STRN3: variants seen among roughly 807,000 people sequenced by gnomAD.
STRN3 encodes striatin-3.
In STRN3, 29 loss-of-function variants were observed where a neutral mutation model predicts 95.6. That is an observed-to-expected ratio of 0.30 (90% CI 0.23 to 0.41). STRN3 has a LOEUF of 0.41. Ranked by LOEUF, STRN3 falls within the 10% of genes least tolerant of loss-of-function variation. STRN3 has a pLI of 1.00. For synonymous variants in STRN3, 331 were observed against 357.6 expected (o/e 0.93, Z 0.84); for missense variants, 890 against 972.1 (o/e 0.92, Z 1.12).
Position 31,007,965 on chromosome 14 carries a change from G to A in STRN3, c.282+17939C>T, listed in dbSNP as rs181742353. On this transcript the variant is annotated intron_variant, in intron 1 of 17. Transcript: ENST00000357479. ...CCAAGCACTTTGGGAGGCTGAGGCA[G>A]GCGGATCACCTGAGGTCAGGAGTTC... is the stretch of plus-strand genomic sequence containing the variant. 4.3e-4 allele frequency among the ~76,000 whole-genome samples: 65 copies of A among 152,250 alleles called. No individual in the cohort carries two copies. The East Asian group carries it at 0.012, about 28-fold the overall frequency.
In STRN3 at chr14:30,902,586, G is replaced by T; in HGVS notation, c.2087C>A (p.Thr696Lys). 2 of 1,609,106 alleles carry T rather than the reference G, an allele frequency of 1.2e-6. No homozygotes were observed. The highest frequency in any genetic ancestry group is 1.7e-6 in the Non-Finnish European group (2 of 1,178,298). ...RVVSHPTLPV[T>K]ITAHEDRHIK... ...GTGTCTATCTTCATGAGCAGTTATT[G>T]TAACAGGAAGTGTGGGATGACTTAC... Residue 696 changes from threonine (T) to lysine (K), a missense_variant, in exon 16 of 18, where the codon ACA (threonine) becomes AAA (lysine). This residue lies in a region of STRN3 where 357 missense variants were observed against 422.8 expected (regional missense o/e 0.84). Coordinates refer to ENST00000357479, the MANE Select transcript of STRN3 (RefSeq NM_001083893.2).
At chr14:31,017,629 T>C (rs574112545) in intron 1 of STRN3, among the ~76,000 whole-genome samples, 1 of 152,288 alleles carries the variant, frequency 6.6e-6, no homozygotes, top group South Asian at 2.1e-4. Context: ...TGGAACAAAT[T>C]TCCCCCAAGG....
intron 7 of STRN3, among the ~76,000 whole-genome samples, chr14:30,932,738 A>G (rs1322786837): frequency 6.6e-6 from 1 of 152,234 alleles, no homozygotes; most frequent in Non-Finnish European, 1.5e-5. Flanking sequence ...AACTATTATC[A>G]AAGAAATAAT....
chr14:31,025,852 C>T, intron 1 of STRN3, 52 bp downstream of exon 1: 1 of 1,563,524 alleles, frequency 6.4e-7, no homozygotes, highest in South Asian at 1.2e-5. Context: ...CCCCACCCCC[C>T]GGCCGGGAAC....
chr14:30,925,276 G>A (rs540343032), intron 8 of STRN3, among the ~76,000 whole-genome samples: 5 of 152,150 alleles, frequency 3.3e-5, no homozygotes, highest in South Asian at 4.2e-4. Context: ...TGGAGTGAAC[G>A]AGTTGGGAGA....
chr14:30,963,780 T>A (rs1464199481), intron 1 of STRN3, among the ~76,000 whole-genome samples: 2 of 151,762 alleles, frequency 1.3e-5, no homozygotes, highest in East Asian at 3.9e-4. Flanking sequence ...AAGTTAGAAA[T>A]CAATAACAAA....
intron 1 of STRN3, among the ~76,000 whole-genome samples, chr14:30,987,513 A>G (rs1881752404): frequency 6.6e-6 from 1 of 152,072 alleles, no homozygotes; most frequent in African/African-American, 2.4e-5. Context: ...TCTCAAAAAA[A>G]TAAAAAATAA....
intron 1 of STRN3, among the ~76,000 whole-genome samples, chr14:30,981,578 A>ATT (rs752089001): frequency 9.2e-6 from 1 of 108,210 alleles, no homozygotes; most frequent in Non-Finnish European, 2.3e-5. Flanking sequence ...CTTAGAATTC[A>ATT]CACACACACA....
At chr14:30,938,016 T>A (rs541945043) in intron 5 of STRN3, among the ~76,000 whole-genome samples, 27 of 152,274 alleles carry the variant, frequency 1.8e-4, no homozygotes, top group African/African-American at 5.8e-4. Flanking sequence ...AGATTATTTA[T>A]AATACCTAAT....
chr14:30,948,290 G>A (rs185403022), intron 4 of STRN3, among the ~76,000 whole-genome samples: 1 of 152,182 alleles, frequency 6.6e-6, no homozygotes, highest in Admixed American at 6.5e-5. Flanking sequence ...TGTTTATTAG[G>A]CACATAGATG....
At chr14:30,928,788 T>A (rs890072985) in intron 8 of STRN3, among the ~76,000 whole-genome samples, 1 of 152,194 alleles carries the variant, frequency 6.6e-6, no homozygotes, top group Admixed American at 6.5e-5. Context: ...GCTTTCCTAT[T>A]CACTGTAGGT....
At chr14:30,911,240 G>A in intron 12 of STRN3, 78 bp from the exon 13 acceptor site, 9 of 1,389,602 alleles carry the variant, frequency 6.5e-6, no homozygotes, top group South Asian at 2.9e-5. Context: ...CCCAACCTCT[G>A]AATTTATGTA....
intron 9 of STRN3, among the ~76,000 whole-genome samples, chr14:30,914,772 T>A (rs529767329): frequency 2.9e-4 from 44 of 152,366 alleles, no homozygotes; most frequent in African/African-American, 1.1e-3. Context: ...TGATCAGATT[T>A]GCCATTTCAA....
chr14:30,931,292 G>T (rs1277599970), intron 7 of STRN3, among the ~76,000 whole-genome samples: 5 of 152,090 alleles, frequency 3.3e-5, no homozygotes, highest in Admixed American at 1.3e-4. Flanking sequence ...AAAGGGAAGA[G>T]ACAGCAAAAT....
rs572781177 is a variant in STRN3 at position 31,018,005 on chromosome 14, G to T, written c.282+7899C>A. Among the ~76,000 whole-genome samples, 14 of 151,550 alleles carry T rather than the reference G, an allele frequency of 9.2e-5. 1 individual carries two copies. The highest frequency in any genetic ancestry group is 3.1e-4 in the African/African-American group (13 of 41,300). On this transcript the variant is annotated intron_variant, in intron 1 of 17. Transcript: ENST00000357479. ...AGGCAGGAGAATTGCTTGAACCTGGGAGGCGGAGGTTACAGTGAGCCGGGA... is the reference window on the plus strand; with the variant it reads ...AGGCAGGAGAATTGCTTGAACCTGGTAGGCGGAGGTTACAGTGAGCCGGGA...
At chr14:30,901,949 T>C (rs895541480) in intron 16 of STRN3, among the ~76,000 whole-genome samples, 11 of 151,540 alleles carry the variant, frequency 7.3e-5, no homozygotes, top group African/African-American at 1.9e-4. Context: ...AGGTGGATCA[T>C]CTGAGGTCAG....
At chr14:31,011,441 A>G (rs1882965302) in intron 1 of STRN3, among the ~76,000 whole-genome samples, 1 of 152,222 alleles carries the variant, frequency 6.6e-6, no homozygotes, top group African/African-American at 2.4e-5. Flanking sequence ...CAGGAGTTCG[A>G]GACCAGCTTA....
At position 30,947,127 on chromosome 14, in the gene STRN3, C is replaced by T; in HGVS notation, c.679G>A (p.Gly227Ser). 1 of 1,606,238 alleles carries T rather than the reference C, an allele frequency of 6.2e-7. No homozygotes were observed. ...TGTCCCTTTTGCTTAGGAGATTCAC[C>T]TCCATTCAGGATCTGTTCTAAATTC... ...TKNLEQILNG[G>S]ESPKQKGQEI... The change falls in exon 5 of 18, where the codon GGT becomes AGT. Residue 227 changes from glycine to serine, a missense_variant. Transcript: ENST00000357479.
chr14:30,934,464 G>A (rs1482881380), intron 7 of STRN3, among the ~76,000 whole-genome samples: 1 of 152,088 alleles, frequency 6.6e-6, no homozygotes, highest in Non-Finnish European at 1.5e-5. Context: ...CATAAATGAC[G>A]TCAGCTATTA....
Sources: gnomAD v4.1 joint callset for allele counts (sites outside exome capture counted in the v4.1 genomes callset) on GRCh38, gnomAD v4.1.1 for gene constraint, gnomAD v4.1.1 regional missense constraint, MANE v1.5 for transcripts, NCBI Gene and HGNC (gene_info 2026-07-23, HGNC 2026-07-21) for gene names.